The following FLT1 variants were observed in gnomAD, a reference collection of about 807,000 sequenced individuals.
FLT1 encodes the protein fms related receptor tyrosine kinase 1, also known as vascular endothelial growth factor receptor 1.
A neutral mutation model predicts 156.3 loss-of-function variants in FLT1; 49 were observed. That is an observed-to-expected ratio of 0.31 (90% CI 0.25 to 0.40). The LOEUF (loss-of-function observed/expected upper bound fraction) is 0.40. Among genes scored for constraint, FLT1 ranks in the 10% least tolerant of loss-of-function variants. The probability of loss-of-function intolerance (pLI) is 1.00; values close to 1 mark genes in which losing one functional copy is unlikely to be tolerated. For synonymous variants in FLT1, 594 were observed against 583.8 expected, an observed-to-expected ratio of 1.02 and a Z score of -0.25; for missense variants, 1,322 against 1,637.2, an observed-to-expected ratio of 0.81 and a Z score of 3.32.
At chr13:28,360,565 G>T (rs1873076065) in intron 14 of FLT1, among the ~76,000 whole-genome samples, 2 of 152,316 alleles carry the variant, frequency 1.3e-5, no homozygotes, top group South Asian at 2.1e-4. Context: ...AGGACATTAT[G>T]TTGAGCGAAA....
rs1170608993 is a variant in FLT1, at chr13:28,469,943, GGGGTTTC to G, written c.65-2333_65-2327del. 2.0e-5 allele frequency among the ~76,000 whole-genome samples: 3 copies of G among 151,936 alleles called. No individual in the cohort carries two copies. The East Asian group carries it at 5.8e-4, about 29-fold the overall frequency. ...AATTTTTTGTATTTTTAGTAGAGATGGGGTTTCGTCATGTTTGCCAGGCTGGTCTTGA... is the reference window on the plus strand; with the variant it reads ...AATTTTTTGTATTTTTAGTAGAGATGGTCATGTTTGCCAGGCTGGTCTTGA... On this transcript the variant is annotated intron_variant, in intron 1 of 29. Transcript: ENST00000282397.
intron 13 of FLT1, chr13:28,387,522 A>T: frequency 2.8e-6 from 3 of 1,061,930 alleles, no homozygotes; most frequent in Non-Finnish European, 3.4e-6. Flanking sequence ...TCTGCTGGTT[A>T]TCAGTAGCCA....
At chr13:28,442,951 A>G (rs953353708) in intron 3 of FLT1, among the ~76,000 whole-genome samples, 1 of 152,230 alleles carries the variant, frequency 6.6e-6, no homozygotes, top group African/African-American at 2.4e-5. Flanking sequence ...CACAAAATTA[A>G]AAATGACTTC....
At chr13:28,306,536 G>T (rs1042255082) in intron 29 of FLT1, 142 bp downstream of exon 29, 3 of 698,966 alleles carry the variant, frequency 4.3e-6, no homozygotes, top group East Asian at 5.5e-5. Context: ...CCTCTGGGGG[G>T]AAATGGTTTT....
chr13:28,428,817 C>G (rs1025067645), intron 8 of FLT1, among the ~76,000 whole-genome samples: 33 of 152,180 alleles, frequency 2.2e-4, no homozygotes, highest in African/African-American at 7.5e-4. Context: ...CATTATCATG[C>G]ATGATTATAA....
intron 29 of FLT1, 34 bp from the exon 30 acceptor site, chr13:28,303,402 A>G: frequency 1.3e-6 from 2 of 1,598,104 alleles, no homozygotes; most frequent in East Asian, 2.2e-5. Context: ...CAAATATTCA[A>G]AATTGGTTTT....
chr13:28,312,445 T>C (rs984738888), intron 25 of FLT1, among the ~76,000 whole-genome samples: 1 of 151,790 alleles, frequency 6.6e-6, no homozygotes, highest in Non-Finnish European at 1.5e-5. Context: ...CACCGCTCAC[T>C]GCAGTTCAAT....
intron 3 of FLT1, among the ~76,000 whole-genome samples, chr13:28,440,419 C>T (rs1459299263): frequency 2.0e-5 from 3 of 152,226 alleles, no homozygotes; most frequent in Non-Finnish European, 4.4e-5. Context: ...TGGCGGCACC[C>T]TGAAGGCTGA....
At position 28,412,383 on chromosome 13, in the gene FLT1, T is replaced by TC. The variant is rs1491225468; in HGVS notation, c.1437-6490dup. On this transcript the variant is annotated intron_variant, in intron 10 of 29. Transcript: ENST00000282397. Reference sequence around the variant, plus strand: ...TTCTTTCTTTCTTTCTTTCTTTCTTTCTTTCTTTCTTTCTTTCTTTCTTTC... The same window carrying TC: ...TTCTTTCTTTCTTTCTTTCTTTCTTTCCTTTCTTTCTTTCTTTCTTTCTTTC... Among the ~76,000 whole-genome samples the TC allele has an allele frequency of 3.8e-4, 54 of 140,994 alleles. 2 individuals carry two copies. The highest frequency in any genetic ancestry group is 1.3e-3 in the African/African-American group (51 of 39,040). 92.5% of individuals were successfully genotyped at this position (140,994 alleles called of 152,430 possible).
chr13:28,359,920 C>G (rs921109289), intron 14 of FLT1, among the ~76,000 whole-genome samples: 2 of 152,054 alleles, frequency 1.3e-5, no homozygotes, highest in African/African-American at 4.8e-5. Context: ...AGACCAGCCT[C>G]GCCAACATGA....
chr13:28,387,110 GA>G (rs1874410969), intron 13 of FLT1: 3 of 1,035,574 alleles, frequency 2.9e-6, no homozygotes, highest in South Asian at 9.2e-5. Context: ...ATGTCATTAA[GA>G]ATCCCAAAGG....
intron 1 of FLT1, among the ~76,000 whole-genome samples, chr13:28,483,712 G>A (rs1459338154): frequency 6.6e-6 from 1 of 152,148 alleles, no homozygotes; most frequent in East Asian, 1.9e-4. Flanking sequence ...AATGCTCCCC[G>A]TGTTGCTCAC....
At chr13:28,471,940 C>A (rs575868619) in intron 1 of FLT1, among the ~76,000 whole-genome samples, 1 of 151,986 alleles carries the variant, frequency 6.6e-6, no homozygotes, top group South Asian at 2.1e-4. Context: ...GGGCTTTATC[C>A]CATGCTACTT....
rs113239596 is a variant in FLT1 at position 28,429,881 on chromosome 13, C to T, written c.1106+169G>A. ...ACCTTGCTACATTATTTCCTTTTCCCCAGCCCTTCTCACCTCCACCACCCA... is the reference window on the plus strand; with the variant it reads ...ACCTTGCTACATTATTTCCTTTTCCTCAGCCCTTCTCACCTCCACCACCCA... On this transcript the variant is annotated intron_variant, in intron 8 of 29. Coordinates refer to ENST00000282397, the MANE Select transcript of FLT1 (RefSeq NM_002019.4). Among the ~76,000 whole-genome samples, 897 of 152,238 alleles carry T rather than the reference C, an allele frequency of 5.9e-3. 16 individuals are homozygous for T. The highest frequency in any genetic ancestry group is 0.021 in the African/African-American group (855 of 41,550).
intron 1 of FLT1, among the ~76,000 whole-genome samples, chr13:28,479,959 C>A (rs1297720864): frequency 6.6e-6 from 1 of 152,130 alleles, no homozygotes; most frequent in Admixed American, 6.6e-5. Context: ...AAAACCAAAA[C>A]CAAAGTAGAA....
intron 4 of FLT1, among the ~76,000 whole-genome samples, chr13:28,436,760 A>G (rs989418667): frequency 6.6e-6 from 1 of 152,184 alleles, no homozygotes; most frequent in Non-Finnish European, 1.5e-5. Context: ...GCTAAAGCTA[A>G]CCCTTGAATA....
chr13:28,462,663 G>C (rs533827311), intron 3 of FLT1, among the ~76,000 whole-genome samples: 1 of 152,194 alleles, frequency 6.6e-6, no homozygotes, highest in Non-Finnish European at 1.5e-5. Context: ...GTAATTTAGT[G>C]TGGCAAACCT....
At chr13:28,370,467 A>T (rs896240519) in intron 14 of FLT1, among the ~76,000 whole-genome samples, 1 of 152,114 alleles carries the variant, frequency 6.6e-6, no homozygotes, top group African/African-American at 2.4e-5. Flanking sequence ...AAAGTATAAT[A>T]AAAAAATGGA....
intron 27 of FLT1, among the ~76,000 whole-genome samples, chr13:28,309,687 C>A (rs925814173): frequency 6.8e-6 from 1 of 146,042 alleles, no homozygotes; most frequent in African/African-American, 2.6e-5. Flanking sequence ...TCTAACCCAG[C>A]CAGACCTTGC....
Sources: gnomAD v4.1 joint callset for allele counts (sites outside exome capture counted in the v4.1 genomes callset) on GRCh38, gnomAD v4.1.1 for gene constraint, MANE v1.5 for transcripts, NCBI Gene and HGNC (gene_info 2026-07-23, HGNC 2026-07-21) for gene names.